JAK1: variants seen among roughly 807,000 people sequenced by gnomAD.
JAK1 encodes tyrosine-protein kinase JAK1.
In JAK1, 16 loss-of-function variants were observed where a neutral mutation model predicts 136.6. The ratio of observed to expected loss-of-function variants is 0.12; its 90% CI spans 0.08 to 0.18. JAK1 has a LOEUF of 0.18. JAK1 is among the 10% of genes least tolerant of loss of function. The probability of loss-of-function intolerance (pLI) is 1.00; values close to 1 mark genes in which losing one functional copy is unlikely to be tolerated. For synonymous variants in JAK1, 492 were observed against 519.5 expected, an observed-to-expected ratio of 0.95 and a Z score of 0.72; for missense variants, 859 against 1,450.1, an observed-to-expected ratio of 0.59 and a Z score of 6.62.
chr1:64,872,606 A>G (rs1305904371), intron 5 of JAK1, among the ~76,000 whole-genome samples: 1 of 152,238 alleles, frequency 6.6e-6, no homozygotes, highest in Non-Finnish European at 1.5e-5. Flanking sequence ...TCACTCCAGC[A>G]TCTCCAGCAT....
chr1:64,989,389 A>G (rs1646634069), intron 2 of JAK1: 1 of 151,940 alleles, frequency 6.6e-6, no homozygotes, highest in Non-Finnish European at 1.5e-5. Context: ...CAAAAATGGT[A>G]GGAAAGTTTT....
intron 1 of JAK1, among the ~76,000 whole-genome samples, chr1:64,902,611 T>TGTGTGTGTGTGTGTGTGTG (rs1645128538): frequency 6.7e-6 from 1 of 149,196 alleles, no homozygotes; most frequent in African/African-American, 2.5e-5. Context: ...TGTGTGTGTG[T>TGTGTGTGTGTGTGTGTGTG]TATGGCATGT....
At chr1:64,987,647 G>T (rs1021436371) in intron 2 of JAK1, 8 of 152,218 alleles carry the variant, frequency 5.3e-5, no homozygotes, top group Non-Finnish European at 1.0e-4. Context: ...GCCAAGGCAG[G>T]ATGATGCCTC....
intron 2 of JAK1, among the ~76,000 whole-genome samples, chr1:65,033,347 T>A (rs536500401): frequency 1.3e-5 from 2 of 151,956 alleles, no homozygotes; most frequent in Non-Finnish European, 2.9e-5. Flanking sequence ...AACAATAAAA[T>A]TTTAAAATTT....
intron 1 of JAK1, among the ~76,000 whole-genome samples, chr1:65,047,915 T>TAA (rs534961906): frequency 2.0e-5 from 3 of 148,066 alleles, no homozygotes; most frequent in African/African-American, 7.5e-5. Flanking sequence ...ATAATACAGG[T>TAA]AAAAAAAAAA....
chr1:65,059,717 C>T (rs1647708205), intron 1 of JAK1, among the ~76,000 whole-genome samples: 1 of 152,114 alleles, frequency 6.6e-6, no homozygotes. Flanking sequence ...CCATGATTCA[C>T]TTGGGTTTTT....
At chr1:64,962,737 T>G (rs1646303600) in intron 1 of JAK1, among the ~76,000 whole-genome samples, 2 of 152,064 alleles carry the variant, frequency 1.3e-5, no homozygotes, top group African/African-American at 2.4e-5. Context: ...ACAAGCTGAA[T>G]GAGAACATGG....
chr1:64,842,935 T>G (rs938263823), intron 17 of JAK1, among the ~76,000 whole-genome samples: 10 of 152,120 alleles, frequency 6.6e-5, no homozygotes, highest in African/African-American at 2.2e-4. Flanking sequence ...GGACTTCCGC[T>G]GCCATTTCCG....
intron 2 of JAK1, among the ~76,000 whole-genome samples, chr1:64,977,653 A>G (rs1370209459): frequency 6.6e-6 from 1 of 150,876 alleles, no homozygotes; most frequent in Admixed American, 6.6e-5. Context: ...GGATGGTCTC[A>G]ATCTCCTGAC....
intron 2 of JAK1, among the ~76,000 whole-genome samples, chr1:64,885,807 G>T (rs1029007549): frequency 6.6e-6 from 1 of 151,856 alleles, no homozygotes. Flanking sequence ...AGTAGGAGAG[G>T]ACTCACTAAA....
chr1:64,868,231 G>C (rs1008700485), intron 6 of JAK1, among the ~76,000 whole-genome samples: 1 of 152,272 alleles, frequency 6.6e-6, no homozygotes, highest in African/African-American at 2.4e-5. Context: ...GGGAGTCAAT[G>C]TTAAGAAGAA....
At chr1:64,942,325 C>T (rs1294294659) in intron 1 of JAK1, 3 of 152,156 alleles carry the variant, frequency 2.0e-5, no homozygotes, top group African/African-American at 7.2e-5. Flanking sequence ...CACTTTGATA[C>T]TCAAGGACAA....
intron 1 of JAK1, among the ~76,000 whole-genome samples, chr1:64,891,174 A>G (rs1470863469): frequency 6.6e-6 from 1 of 152,182 alleles, no homozygotes; most frequent in African/African-American, 2.4e-5. Context: ...AAGCATTTCA[A>G]TATCTTGAGC....
chr1:64,897,596 C>T (rs1432512598), intron 1 of JAK1, among the ~76,000 whole-genome samples: 2 of 108,852 alleles, frequency 1.8e-5, no homozygotes, highest in Middle Eastern at 7.1e-3. Flanking sequence ...GGAGGAAAGC[C>T]GGAGGGTAAG....
Position 65,009,396 on chromosome 1 carries a change from G to A in JAK1, c.-78+35084C>T, listed in dbSNP as rs957296871. 9.2e-5 allele frequency among the ~76,000 whole-genome samples: 14 copies of A among 152,326 alleles called. No individual in the cohort carries two copies. The East Asian group carries it at 2.3e-3, about 25-fold the overall frequency. The stretch of plus-strand genomic sequence containing the variant: ...AAGTGGAATTGATGAGCAGGTGGGG[G>A]TGGAGGTAAAGAGTGACATTTACAT... On this transcript the variant is annotated intron_variant, in intron 2 of 25. Transcript: ENST00000671954.
chr1:64,965,178 C>A (rs1230535319), intron 1 of JAK1, among the ~76,000 whole-genome samples: 1 of 152,206 alleles, frequency 6.6e-6, no homozygotes, highest in African/African-American at 2.4e-5. Flanking sequence ...TTATTCTCAT[C>A]ACTTAACTAC....
chr1:64,852,448 T>G (rs1416693588), intron 11 of JAK1, among the ~76,000 whole-genome samples: 4 of 152,228 alleles, frequency 2.6e-5, no homozygotes, highest in Admixed American at 1.3e-4. Flanking sequence ...TTCCAGAGGC[T>G]GCTCCCTCCA....
chr1:65,011,847 GGAA>G (rs1285867293), intron 2 of JAK1, among the ~76,000 whole-genome samples: 15 of 152,352 alleles, frequency 9.8e-5, no homozygotes, highest in Admixed American at 3.3e-4. Context: ...TCCCAGGGAA[GGAA>G]GGTGTTTCAG....
intron 14 of JAK1, 97 bp downstream of exon 14, chr1:64,846,552 C>G: frequency 1.2e-6 from 1 of 850,732 alleles, no homozygotes; most frequent in Non-Finnish European, 2.0e-6. Flanking sequence ...AGGCAAGAAG[C>G]CTGGGCAACG....
Sources: allele counts gnomAD v4.1 joint callset (sites outside exome capture counted in the v4.1 genomes callset), GRCh38; gene constraint gnomAD v4.1.1; transcripts MANE v1.5; gene names NCBI Gene and HGNC (gene_info 2026-07-23, HGNC 2026-07-21).